Variants in ALX4 observed in about 807,000 individuals in gnomAD.
ALX4 encodes the protein ALX homeobox 4.
Under a neutral mutation model 40.6 loss-of-function variants are expected in ALX4, and 22 were observed. The ratio of observed to expected loss-of-function variants is 0.54; its 90% CI spans 0.39 to 0.77. ALX4 has a LOEUF of 0.77. Ranked by LOEUF, ALX4 falls within the 30% of genes least tolerant of loss-of-function variation. ALX4 has a pLI of 0.00. For synonymous variants in ALX4, 266 were observed against 240.5 expected (o/e 1.11, Z -0.98); for missense variants, 556 against 564.8 (o/e 0.98, Z 0.16).
intron 1 of ALX4, among the ~76,000 whole-genome samples, chr11:44,302,120 C>A (rs1426610140): frequency 6.6e-6 from 1 of 152,184 alleles, no homozygotes; most frequent in East Asian, 1.9e-4. Context: ...CCTGGGGGCG[C>A]CTCTGGAGGC....
At position 44,309,714 on chromosome 11, in the gene ALX4, G is replaced by C. The variant is rs1032391238; in HGVS notation, c.349C>G (p.Pro117Ala). ...TGCAAGTAAAGATGCGGTTGCGCGG[G>C]CGGCTGGGGCTGCGGCTGCTGCTGC... ...PQQQQPQPQP[P>A]AQPHLYLQRG... The change falls in exon 1 of 4, where the codon CCC becomes GCC. Residue 117 changes from proline to alanine, a missense_variant. Physicochemically the swap from Pro to Ala is conservative, Grantham distance 27. Coordinates refer to ENST00000652299, the MANE Select transcript of ALX4 (RefSeq NM_021926.4). 1 of 1,573,640 alleles carries C rather than the reference G, an allele frequency of 6.4e-7. No individual in the cohort carries two copies. The highest frequency in any genetic ancestry group is 1.2e-5 in the South Asian group (1 of 86,778).
rs910334981 is a variant in ALX4 at position 44,262,406 on chromosome 11, C to T, written c.*2448G>A. Reference sequence around the variant, plus strand: ...TCACATTGGCATGTTTAATCCTAGACACTTCCTGGGTGTGTTGGGACAGGC... The same window carrying T: ...TCACATTGGCATGTTTAATCCTAGATACTTCCTGGGTGTGTTGGGACAGGC... On this transcript the variant is annotated 3_prime_UTR_variant, in exon 4 of 4. Coordinates refer to ENST00000652299, the MANE Select transcript of ALX4 (RefSeq NM_021926.4). 5 of 152,266 alleles carry T rather than the reference C, an allele frequency of 3.3e-5. No individual in the cohort carries two copies. The highest frequency in any genetic ancestry group is 7.3e-5 in the Non-Finnish European group (5 of 68,084). The allele number at this position is 152,266 out of a possible 1,614,324, so 9.4% of individuals were successfully genotyped here.
chr11:44,286,571 C>T (rs1956339913), intron 1 of ALX4, among the ~76,000 whole-genome samples: 1 of 152,130 alleles, frequency 6.6e-6, no homozygotes, highest in Non-Finnish European at 1.5e-5. Context: ...GGTTTCTAGA[C>T]GTTTGTTTGA....
At chr11:44,266,120 T>C (rs12364053) in intron 3 of ALX4, among the ~76,000 whole-genome samples, 28,722 of 152,164 alleles carry the variant, frequency 0.19, 3,266 homozygotes, top group Non-Finnish European at 0.25. Flanking sequence ...GCCCCCATCC[T>C]GGAGGGAACC....
chr11:44,307,233 T>C (rs1361893739), intron 1 of ALX4, among the ~76,000 whole-genome samples: 1 of 152,156 alleles, frequency 6.6e-6, no homozygotes, highest in Non-Finnish European at 1.5e-5. Context: ...AGAGGCACAT[T>C]TATGACCCAG....
intron 2 of ALX4, among the ~76,000 whole-genome samples, chr11:44,271,497 G>C (rs1386286678): frequency 6.6e-6 from 1 of 152,196 alleles, no homozygotes; most frequent in Non-Finnish European, 1.5e-5. Flanking sequence ...AAGATATGCA[G>C]CACGTCAGAG....
intron 1 of ALX4, among the ~76,000 whole-genome samples, chr11:44,278,071 T>C (rs184528893): frequency 1.3e-5 from 2 of 152,082 alleles, no homozygotes; most frequent in Admixed American, 6.5e-5. Context: ...ATCCCTGTTT[T>C]GCAACTTCCT....
At chr11:44,267,459 G>C (rs1336679738) in intron 3 of ALX4, 35 bp downstream of exon 3, 1 of 1,611,616 alleles carries the variant, frequency 6.2e-7, no homozygotes, top group Admixed American at 1.7e-5. Context: ...ACCAGGGGCT[G>C]GGGATCGGTG....
chr11:44,286,121 T>C (rs1401983985), intron 1 of ALX4, among the ~76,000 whole-genome samples: 1 of 152,162 alleles, frequency 6.6e-6, no homozygotes, highest in African/African-American at 2.4e-5. Flanking sequence ...CAGGAGGTCC[T>C]TGGTCCCCTG....
At chr11:44,268,332 C>T (rs1358652604) in intron 2 of ALX4, among the ~76,000 whole-genome samples, 1 of 152,128 alleles carries the variant, frequency 6.6e-6, no homozygotes, top group Non-Finnish European at 1.5e-5. Context: ...TTGAAGGAAG[C>T]GGTGGGAGAG....
chr11:44,269,565 C>T (rs1590687839), intron 2 of ALX4, among the ~76,000 whole-genome samples: 1 of 152,372 alleles, frequency 6.6e-6, no homozygotes, highest in Non-Finnish European at 1.5e-5. Flanking sequence ...CATGTGTGCA[C>T]ACACATTGAC....
chr11:44,267,405 C>A (rs1956219569), intron 3 of ALX4, 89 bp downstream of exon 3: 8 of 1,556,518 alleles, frequency 5.1e-6, no homozygotes, highest in Non-Finnish European at 7.0e-6. Flanking sequence ...CATAAGTCAT[C>A]TCGGGGTGCC....
chr11:44,282,224 C>A (rs1240034873), intron 1 of ALX4, among the ~76,000 whole-genome samples: 1 of 152,196 alleles, frequency 6.6e-6, no homozygotes, highest in African/African-American at 2.4e-5. Context: ...CCAAGAAGAT[C>A]TACAGGGAGC....
chr11:44,299,518 G>A (rs1049096931), intron 1 of ALX4, among the ~76,000 whole-genome samples: 5 of 151,862 alleles, frequency 3.3e-5, no homozygotes, highest in African/African-American at 1.2e-4. Flanking sequence ...CCGCCACCAC[G>A]CCCGGCTAAT....
In ALX4 at chr11:44,309,752, T is replaced by TGCGGCG. The variant is rs1193488586; in HGVS notation, c.305_310dup (p.Pro102_Pro103dup). 1.7e-5 allele frequency: 26 copies of TGCGGCG among 1,548,342 alleles called. No homozygotes were observed. Among genetic ancestry groups the TGCGGCG allele is most frequent in the Non-Finnish European group, 2.2e-5 (25 of 1,146,618 alleles). ...CGGCTGCTGCTGCTGCGGCTGCGGC[T>TGCGGCG]GCGGCGGCGGCTGGGGCTGCGGGGT... On this transcript the variant is annotated inframe_insertion, in exon 1 of 4. Transcript: ENST00000652299.
chr11:44,264,752 G>T lies in ALX4; in HGVS notation c.*102C>A. ...TGCTGAGGGTCAGGCCCCTGGCCCA[G>T]GCCAGGTTCCTAAGAGGAAAGTCGA... On this transcript the variant is annotated 3_prime_UTR_variant, in exon 4 of 4. Transcript: ENST00000652299. 1 of 1,373,914 alleles carries T rather than the reference G, an allele frequency of 7.3e-7. No individual in the cohort carries two copies. The highest frequency in any genetic ancestry group is 1.0e-6 in the Non-Finnish European group (1 of 1,002,390). 85.1% of individuals were successfully genotyped at this position (1,373,914 alleles called of 1,614,324 possible). A position where few individuals can be genotyped will look rare whatever the true frequency, so the allele number is the denominator to read the frequency against.
rs1956190444 is a variant in ALX4 at position 44,262,807 on chromosome 11, C to G, written c.*2047G>C. On this transcript the variant is annotated 3_prime_UTR_variant, in exon 4 of 4. Transcript: ENST00000652299. ...AGGGGGGAGAAATGGGGAAACTGTTCCCAGCCTTAAGTTCTTCCTTTCCCT... is the reference window on the plus strand; with the variant it reads ...AGGGGGGAGAAATGGGGAAACTGTTGCCAGCCTTAAGTTCTTCCTTTCCCT... 1 of 152,160 alleles carries G rather than the reference C, an allele frequency of 6.6e-6. No homozygotes were observed. Among genetic ancestry groups the G allele is most frequent in the Non-Finnish European group, 1.5e-5 (1 of 68,038 alleles). The allele number at this position is 152,160 out of a possible 1,614,324, so 9.4% of individuals were successfully genotyped here.
chr11:44,287,286 C>T (rs1266218825), intron 1 of ALX4, among the ~76,000 whole-genome samples: 1 of 151,726 alleles, frequency 6.6e-6, no homozygotes, highest in Non-Finnish European at 1.5e-5. Context: ...TGGGCTCTCG[C>T]AAAAACAAAA....
At chr11:44,267,735 G>A in intron 2 of ALX4, 113 bp from the exon 3 acceptor site, 1 of 1,447,504 alleles carries the variant, frequency 6.9e-7, no homozygotes, top group Non-Finnish European at 9.6e-7. Context: ...AGTGCGTTTG[G>A]GAAACGGTGC....
Sources: gnomAD v4.1 joint callset for allele counts (sites outside exome capture counted in the v4.1 genomes callset) on GRCh38, gnomAD v4.1.1 for gene constraint, MANE v1.5 for transcripts, NCBI Gene and HGNC (gene_info 2026-07-23, HGNC 2026-07-21) for gene names.